Variants in DAP3 observed in about 807,000 individuals in gnomAD.
DAP3 encodes small ribosomal subunit protein mS29.
Under a neutral mutation model 51.9 loss-of-function variants are expected in DAP3, and 28 were observed. That is an observed-to-expected ratio of 0.54 (90% confidence interval 0.40 to 0.74). DAP3 has a LOEUF of 0.74. Among genes scored for constraint, DAP3 ranks in the 30% least tolerant of loss-of-function variants. The probability of loss-of-function intolerance (pLI) is 0.00; values close to 1 mark genes in which losing one functional copy is unlikely to be tolerated. For missense variants in DAP3, 458 were observed against 483.5 expected, an observed-to-expected ratio of 0.95 and a Z score of 0.49; for synonymous variants, 170 against 170.3, an observed-to-expected ratio of 1.00 and a Z score of 0.01.
intron 5 of DAP3, 147 bp downstream of exon 5, chr1:155,725,637 C>A: frequency 1.3e-6 from 1 of 785,960 alleles, no homozygotes; most frequent in Non-Finnish European, 2.0e-6. Flanking sequence ...CCGAGGCAGG[C>A]GTATCGCCTG....
At chr1:155,725,795 C>T (rs1018266222) in intron 5 of DAP3, 132 bp from the exon 6 acceptor site, 2 of 754,878 alleles carry the variant, frequency 2.6e-6, no homozygotes, top group Middle Eastern at 3.8e-4. Flanking sequence ...ACCCGGGAAG[C>T]GGAGGTTGCT....
chr1:155,701,794 T>G (rs1481127510), intron 1 of DAP3, among the ~76,000 whole-genome samples: 1 of 151,826 alleles, frequency 6.6e-6, no homozygotes, highest in Non-Finnish European at 1.5e-5. Context: ...AATGGTTTTC[T>G]TAGTTCTAAA....
intron 3 of DAP3, among the ~76,000 whole-genome samples, chr1:155,717,525 G>A (rs556136161): frequency 3.9e-5 from 6 of 152,286 alleles, no homozygotes; most frequent in South Asian, 4.1e-4. Flanking sequence ...ATTTCAGGCC[G>A]ATGGACTGAG....
chr1:155,721,430 A>G (rs539763591), intron 3 of DAP3, 87 bp from the exon 4 acceptor site: 1 of 878,736 alleles, frequency 1.1e-6, no homozygotes, highest in East Asian at 2.6e-5. Flanking sequence ...ACATAGACAT[A>G]CATATATACA....
Position 155,738,979 on chromosome 1 carries a change from A to ATAAATAAATAAAT in DAP3, c.*738_*750dup, listed in dbSNP as rs1221526400. On this transcript the variant is annotated 3_prime_UTR_variant, in exon 13 of 13. Coordinates refer to ENST00000368336, the MANE Select transcript of DAP3 (RefSeq NM_004632.4). The stretch of plus-strand genomic sequence containing the variant: ...AGAGCAAGACTCCGTCTCAAAATAA[A>ATAAATAAATAAAT]TAAATAAATAAATAAATAAATAAAT... 6.6e-6 allele frequency: 1 copy of ATAAATAAATAAAT among 151,008 alleles called. No individual in the cohort carries two copies. Among genetic ancestry groups the ATAAATAAATAAAT allele is most frequent in the African/African-American group, 2.4e-5 (1 of 41,086 alleles). 9.4% of individuals were successfully genotyped at this position (151,008 alleles called of 1,614,324 possible).
At chr1:155,714,513 C>T (rs759650635) in intron 2 of DAP3, among the ~76,000 whole-genome samples, 5 of 152,136 alleles carry the variant, frequency 3.3e-5, no homozygotes, top group Non-Finnish European at 7.4e-5. Flanking sequence ...ACCCATAATC[C>T]CAGCACTTTG....
intron 9 of DAP3, among the ~76,000 whole-genome samples, chr1:155,730,171 G>GTTCATATATGTATATATAATA (rs1557797565): frequency 4.8e-5 from 6 of 125,854 alleles, no homozygotes; most frequent in African/African-American, 1.9e-4. Flanking sequence ...ATACCTATAT[G>GTTCATATATGTATATATAATA]TTCATATATG....
chr1:155,711,751 A>C (rs897912882), intron 2 of DAP3, among the ~76,000 whole-genome samples: 2 of 151,426 alleles, frequency 1.3e-5, no homozygotes, highest in African/African-American at 4.9e-5. Flanking sequence ...CTGAGGAGCA[A>C]GTAAGCCAGT....
intron 3 of DAP3, among the ~76,000 whole-genome samples, chr1:155,721,065 G>A (rs1657943588): frequency 6.6e-6 from 1 of 150,996 alleles, no homozygotes; most frequent in Admixed American, 6.6e-5. Flanking sequence ...GGCTGGGCAA[G>A]ATGGCTCACC....
rs117182857 is a variant in DAP3 at position 155,689,104 on chromosome 1, G to C, written c.-78G>C. The C allele has an allele frequency of 6.9e-4, 889 of 1,293,922 alleles. 6 individuals carry two copies. The East Asian group carries it at 0.02, about 29-fold the overall frequency. The allele number at this position is 1,293,922 out of a possible 1,614,324, so 80.2% of individuals were successfully genotyped here. A position where few individuals can be genotyped will look rare whatever the true frequency, so the allele number is the denominator to read the frequency against. On this transcript the variant is annotated 5_prime_UTR_variant, in exon 1 of 13. Transcript: ENST00000368336. ...CGACCCTTTTTTGCAGTCTCAGGAC[G>C]GGCGCTTTGGAGCCGGCCCCAGGCA...
intron 11 of DAP3, among the ~76,000 whole-genome samples, chr1:155,735,724 T>C (rs1003981832): frequency 6.6e-6 from 1 of 151,992 alleles, no homozygotes; most frequent in Non-Finnish European, 1.5e-5. Context: ...CACGCTGGAG[T>C]GCAGTGGTGC....
chr1:155,705,867 A>AT (rs1368426313), intron 1 of DAP3, among the ~76,000 whole-genome samples: 1 of 151,782 alleles, frequency 6.6e-6, no homozygotes, highest in African/African-American at 2.4e-5. Context: ...TGCCAGGCTT[A>AT]TTTTTTATAT....
chr1:155,709,716 G>GCA (rs1656455286), intron 1 of DAP3, 57 bp from the exon 2 acceptor site: 3 of 1,482,178 alleles, frequency 2.0e-6, no homozygotes, highest in Admixed American at 1.8e-5. Flanking sequence ...TTTCCATGTT[G>GCA]CACACATCTT....
At chr1:155,696,089 A>G (rs530394089) in intron 1 of DAP3, among the ~76,000 whole-genome samples, 1 of 152,344 alleles carries the variant, frequency 6.6e-6, no homozygotes, top group African/African-American at 2.4e-5. Context: ...AACAATTTGC[A>G]TATGAGCCTG....
intron 1 of DAP3, among the ~76,000 whole-genome samples, chr1:155,694,717 A>G (rs1654298103): frequency 1.3e-5 from 2 of 152,204 alleles, no homozygotes; most frequent in South Asian, 4.1e-4. Context: ...TAGGTACCCA[A>G]ACTGGAAGCT....
intron 1 of DAP3, among the ~76,000 whole-genome samples, chr1:155,689,907 T>TCACA (rs3041216): frequency 2.1e-5 from 3 of 142,356 alleles, no homozygotes; most frequent in East Asian, 3.9e-4. Flanking sequence ...CGAGACTCCG[T>TCACA]CACACACACA....
At chr1:155,720,448 GCCTGTCTCTACTAAACATGGAGAAAC>G (rs928155681) in intron 3 of DAP3, among the ~76,000 whole-genome samples, 2 of 147,166 alleles carry the variant, frequency 1.4e-5, no homozygotes, top group Non-Finnish European at 3.0e-5. Context: ...TTCAAGACCA[GCCTGTCTCTACTAAACATGGAGAAAC>G]CCTGTCTCTA....
At chr1:155,718,701 AAGAAAGATAGATAGATAGAT>A (rs1294593904) in intron 3 of DAP3, among the ~76,000 whole-genome samples, 4 of 134,262 alleles carry the variant, frequency 3.0e-5, no homozygotes, top group Admixed American at 7.6e-5. Context: ...AAAAAAAAGA[AAGAAAGATAGATAGATAGAT>A]AGATAGATAG....
Position 155,731,996 on chromosome 1 carries a change from C to G in DAP3, c.956C>G (p.Pro319Arg). 1 of 1,611,796 alleles carries G rather than the reference C, an allele frequency of 6.2e-7. No homozygotes were observed. The highest frequency in any genetic ancestry group is 2.2e-5 in the East Asian group (1 of 44,726). Residue 319 changes from proline to arginine, a missense_variant, in exon 11 of 13, where the codon CCC becomes CGC. Pro to Arg is a moderately radical substitution (Grantham distance 103). Transcript: ENST00000368336. ...ALSQTGSLFK[P>R]RKAYLPQELL... ...AGCCAGACTGGGTCTCTCTTTAAGC[C>G]CCGGAAAGCCTATCTGCCCCAGGAG...
Sources: gnomAD v4.1 joint callset for allele counts (sites outside exome capture counted in the v4.1 genomes callset) on GRCh38, gnomAD v4.1.1 for gene constraint, MANE v1.5 for transcripts, NCBI Gene and HGNC (gene_info 2026-07-23, HGNC 2026-07-21) for gene names.